The following VTI1A variants were observed in gnomAD, a reference collection of about 807,000 sequenced individuals.
VTI1A encodes the protein vesicle transport through interaction with t-SNAREs homolog 1A.
A neutral mutation model predicts 34.9 loss-of-function variants in VTI1A; 22 were observed. The observed-to-expected ratio is 0.63, with a 90% CI of 0.45 to 0.90. The LOEUF is 0.90. VTI1A is among the 40% of genes least tolerant of loss of function. VTI1A has a pLI of 0.00. For missense variants in VTI1A, 268 were observed against 275.6 expected, an observed-to-expected ratio of 0.97 and a Z score of 0.20; for synonymous variants, 87 against 97.3, an observed-to-expected ratio of 0.89 and a Z score of 0.62.
intron 7 of VTI1A, among the ~76,000 whole-genome samples, chr10:112,766,934 A>T (rs79073163): frequency 0.018 from 2,743 of 152,306 alleles, 76 homozygotes; most frequent in African/African-American, 0.063. Flanking sequence ...ATCCGTGCCA[A>T]TTGTGGTTTA....
At chr10:112,583,718 A>G (rs1844040961) in intron 5 of VTI1A, among the ~76,000 whole-genome samples, 1 of 152,198 alleles carries the variant, frequency 6.6e-6, no homozygotes, top group African/African-American at 2.4e-5. Context: ...AAGCAGTGTT[A>G]TAGCAGAGCA....
chr10:112,454,048 A>T (rs1029718166), intron 1 of VTI1A, among the ~76,000 whole-genome samples: 4 of 152,232 alleles, frequency 2.6e-5, no homozygotes, highest in African/African-American at 4.8e-5. Flanking sequence ...CTTTATTTCA[A>T]CACTGACCAT....
At chr10:112,727,903 TG>T (rs1850097915) in intron 7 of VTI1A, among the ~76,000 whole-genome samples, 1 of 152,160 alleles carries the variant, frequency 6.6e-6, no homozygotes. Context: ...CTTTAAAAAC[TG>T]GGCTTGTAGA....
chr10:112,709,682 CTTTTTTTTT>C (rs57081938), intron 7 of VTI1A, among the ~76,000 whole-genome samples: 3 of 70,256 alleles, frequency 4.3e-5, no homozygotes, highest in Admixed American at 1.6e-4. Flanking sequence ...CTCTATGTGG[CTTTTTTTTT>C]TTTTTTTTTT....
chr10:112,597,791 G>A (rs1357570291), intron 5 of VTI1A, among the ~76,000 whole-genome samples: 4 of 138,032 alleles, frequency 2.9e-5, no homozygotes, highest in Non-Finnish European at 4.6e-5. Context: ...TCCGCCTCCC[G>A]GGTTCACGCC....
chr10:112,647,924 C>T (rs577832681), intron 5 of VTI1A, among the ~76,000 whole-genome samples: 5 of 152,176 alleles, frequency 3.3e-5, no homozygotes, highest in East Asian at 3.9e-4. Context: ...CACATGCCAC[C>T]GCACCCAGCT....
Position 112,511,181 on chromosome 10 carries a change from A to G in VTI1A, c.265-15906A>G, listed in dbSNP as rs144298362. Reference sequence around the variant, plus strand: ...TCTCTACCGGGGTTTACCTTTTGTTAGCGTTTTGCTCCATTTGCTTATTTA... The same window carrying G: ...TCTCTACCGGGGTTTACCTTTTGTTGGCGTTTTGCTCCATTTGCTTATTTA... On this transcript the variant is annotated intron_variant, in intron 3 of 7. Coordinates refer to ENST00000393077, the MANE Select transcript of VTI1A (RefSeq NM_145206.4). 6.6e-3 allele frequency among the ~76,000 whole-genome samples: 1,000 copies of G among 152,160 alleles called. 9 individuals carry two copies. The highest frequency in any genetic ancestry group is 0.023 in the African/African-American group (961 of 41,520).
rs1233482487 is a variant in VTI1A, at chr10:112,710,109, A to C, written c.560+41111A>C. Among the ~76,000 whole-genome samples, 4 of 150,842 alleles carry C rather than the reference A, an allele frequency of 2.7e-5. No individual in the cohort carries two copies. In the South Asian group the frequency reaches 8.5e-4, roughly 32 times the overall value. ...CTCATATTTGAATCTGAAAGCACTC[A>C]GCACAGTTGCATTCACATGGAAGGT... is the stretch of plus-strand genomic sequence containing the variant. On this transcript the variant is annotated intron_variant, in intron 7 of 7. Transcript: ENST00000393077.
chr10:112,823,700 C>T (rs1424078035), downstream of VTI1A: 1 of 152,194 alleles, frequency 6.6e-6, no homozygotes, highest in East Asian at 1.9e-4. Flanking sequence ...CAAATGCAGC[C>T]GCATGTTCCG....
At chr10:112,496,323 A>G (rs1298561569) in intron 3 of VTI1A, among the ~76,000 whole-genome samples, 1 of 152,014 alleles carries the variant, frequency 6.6e-6, no homozygotes, top group Non-Finnish European at 1.5e-5. Context: ...TAATCCCAGC[A>G]CTTTGGGAGG....
chr10:112,549,760 TAA>T lies in VTI1A; in HGVS notation c.427+11433_427+11434del, dbSNP rs529114539. Among the ~76,000 whole-genome samples, 792 of 152,318 alleles carry T rather than the reference TAA, an allele frequency of 5.2e-3. 12 individuals carry two copies. Among genetic ancestry groups the T allele is most frequent in the African/African-American group, 0.018 (765 of 41,574 alleles). On this transcript the variant is annotated intron_variant, in intron 5 of 7. Transcript: ENST00000393077. ...TACTTGACCAGATCCTATGAATTTTTAAAAGTCTGTCCAGTTCAGTTGCAGGA... is the reference window on the plus strand; with the variant it reads ...TACTTGACCAGATCCTATGAATTTTTAAGTCTGTCCAGTTCAGTTGCAGGA...
chr10:112,722,585 A>G (rs1849852313), intron 7 of VTI1A, among the ~76,000 whole-genome samples: 1 of 152,198 alleles, frequency 6.6e-6, no homozygotes, highest in Non-Finnish European at 1.5e-5. Context: ...GTGACTATCC[A>G]AGAGAAAGAG....
At chr10:112,839,848 G>T in the VTI1A span, among the ~76,000 whole-genome samples, 15 of 152,212 alleles carry the variant, frequency 9.9e-5, no homozygotes, top group Non-Finnish European at 1.6e-4. Context: ...TGGGGCAGGG[G>T]TGGCAGGGGA....
intron 3 of VTI1A, among the ~76,000 whole-genome samples, chr10:112,511,109 C>T (rs1849591157): frequency 6.6e-6 from 1 of 152,096 alleles, no homozygotes; most frequent in Non-Finnish European, 1.5e-5. Flanking sequence ...TGAAAATAAT[C>T]TCAAACTTGC....
At chr10:112,594,505 T>C (rs2134445553) in intron 5 of VTI1A, among the ~76,000 whole-genome samples, 2 of 152,080 alleles carry the variant, frequency 1.3e-5, no homozygotes, top group East Asian at 1.9e-4. Flanking sequence ...ACAAGCATTC[T>C]TATACACCAA....
Position 112,818,649 on chromosome 10 carries a change from A to G in VTI1A, c.*3266A>G, listed in dbSNP as rs1368868668. The G allele has an allele frequency of 9.2e-6, 2 of 217,324 alleles. No individual in the cohort carries two copies. The highest frequency in any genetic ancestry group is 4.5e-5 in the African/African-American group (2 of 44,458). 13.5% of individuals were successfully genotyped at this position (217,324 alleles called of 1,614,324 possible). A position where few individuals can be genotyped will look rare whatever the true frequency, so the allele number is the denominator to read the frequency against. On this transcript the variant is annotated 3_prime_UTR_variant, in exon 8 of 8. Coordinates refer to ENST00000393077, the MANE Select transcript of VTI1A (RefSeq NM_145206.4). ...AGGAAATAATTGCGCATTGCCAGCA[A>G]CTTGGCGCCTGTTTAGACGTTTTTA...
At chr10:112,538,128 T>C in intron 4 of VTI1A, 118 bp from the exon 5 acceptor site, 1 of 748,526 alleles carries the variant, frequency 1.3e-6, no homozygotes. Context: ...TTAACTGTAA[T>C]GGGTTGCGAA....
At chr10:112,724,930 CT>C (rs61570109) in intron 7 of VTI1A, among the ~76,000 whole-genome samples, 24,118 of 152,130 alleles carry the variant, frequency 0.16, 3,801 homozygotes, top group African/African-American at 0.39. Flanking sequence ...TCCTTCTCTC[CT>C]CTTTTTGTTT....
At chr10:112,530,950 A>G (rs1850399753) in intron 4 of VTI1A, among the ~76,000 whole-genome samples, 1 of 152,092 alleles carries the variant, frequency 6.6e-6, no homozygotes, top group African/African-American at 2.4e-5. Context: ...ATAATGTGTA[A>G]AGGGCGTTTA....
Sources: gnomAD v4.1 joint callset for allele counts (sites outside exome capture counted in the v4.1 genomes callset) on GRCh38, gnomAD v4.1.1 for gene constraint, MANE v1.5 for transcripts, NCBI Gene and HGNC (gene_info 2026-07-23, HGNC 2026-07-21) for gene names.